Variants in ATG10 observed in about 807,000 individuals in gnomAD.
ATG10 encodes the protein ubiquitin-like-conjugating enzyme ATG10.
In ATG10, 30 loss-of-function variants were observed where a neutral mutation model predicts 32.1. The observed-to-expected ratio is 0.94, with a 90% confidence interval of 0.70 to 1.27. The LOEUF (loss-of-function observed/expected upper bound fraction) is 1.27, where lower values mean the gene tolerates loss of function less well. Ranked by LOEUF, ATG10 falls within the 50% of genes most tolerant of loss-of-function variation. The pLI is 0.00. For missense variants in ATG10, 233 were observed against 262.3 expected, an observed-to-expected ratio of 0.89 and a Z score of 0.77; for synonymous variants, 87 against 91.5, an observed-to-expected ratio of 0.95 and a Z score of 0.28.
chr5:82,027,805 A>G (rs1024408233), intron 2 of ATG10, among the ~76,000 whole-genome samples: 4 of 152,232 alleles, frequency 2.6e-5, no homozygotes, highest in African/African-American at 4.8e-5. Context: ...ATTTGGATGT[A>G]TGTGCTCAGT....
At chr5:82,128,957 C>T (rs1160246563) in intron 3 of ATG10, among the ~76,000 whole-genome samples, 2 of 151,684 alleles carry the variant, frequency 1.3e-5, no homozygotes, top group East Asian at 4.0e-4. Context: ...AAGTGTTTTC[C>T]AACTTGGTTC....
At chr5:82,209,519 C>T (rs764726958) in intron 5 of ATG10, among the ~76,000 whole-genome samples, 1 of 152,178 alleles carries the variant, frequency 6.6e-6, no homozygotes, top group Non-Finnish European at 1.5e-5. Context: ...TCTTAACAAG[C>T]ACCATGTGTG....
chr5:82,119,531 G>C (rs1243406078), intron 3 of ATG10, among the ~76,000 whole-genome samples: 2 of 152,042 alleles, frequency 1.3e-5, no homozygotes, highest in Non-Finnish European at 2.9e-5. Context: ...CATGATTTTG[G>C]CTCACTGCAA....
intron 1 of ATG10, among the ~76,000 whole-genome samples, chr5:81,982,631 T>C (rs1761087230): frequency 6.6e-6 from 1 of 151,960 alleles, no homozygotes; most frequent in African/African-American, 2.4e-5. Context: ...GGCAGGGTCA[T>C]AGGACAATAG....
At chr5:81,982,105 A>G (rs940857484) in intron 1 of ATG10, among the ~76,000 whole-genome samples, 2 of 152,242 alleles carry the variant, frequency 1.3e-5, no homozygotes, top group African/African-American at 4.8e-5. Flanking sequence ...CACAAAACAA[A>G]AACAAAAACA....
In ATG10 at chr5:82,042,146, C is replaced by G. The variant is rs963968294; in HGVS notation, c.109-16349C>G. 3.4e-4 allele frequency among the ~76,000 whole-genome samples: 52 copies of G among 152,130 alleles called. 1 individual carries two copies. Among genetic ancestry groups the G allele is most frequent in the Admixed American group, 3.0e-3 (46 of 15,276 alleles). On this transcript the variant is annotated intron_variant, in intron 2 of 7. Transcript: ENST00000282185. The stretch of plus-strand genomic sequence containing the variant: ...AAAGAGGTTTAATTGACTCACAGTT[C>G]TGCAGGCTTATCAAGAAGCATGACT...
intron 3 of ATG10, among the ~76,000 whole-genome samples, chr5:82,160,089 CA>C: frequency 6.6e-6 from 1 of 152,176 alleles, no homozygotes; most frequent in East Asian, 1.9e-4. Flanking sequence ...ACAGTTTTAT[CA>C]CATGTGTAGG....
chr5:81,993,032 G>A (rs1761505597), intron 2 of ATG10, among the ~76,000 whole-genome samples: 3 of 152,202 alleles, frequency 2.0e-5, no homozygotes, highest in Middle Eastern at 6.8e-3. Flanking sequence ...TGGTACACTT[G>A]TTACACCCAT....
intron 2 of ATG10, among the ~76,000 whole-genome samples, chr5:81,990,694 A>G (rs1332541937): frequency 6.6e-6 from 1 of 152,242 alleles, no homozygotes; most frequent in East Asian, 1.9e-4. Context: ...ACCCACTGCA[A>G]TGATGAGCAC....
intron 5 of ATG10, among the ~76,000 whole-genome samples, chr5:82,222,508 T>C (rs183870964): frequency 2.5e-4 from 38 of 152,368 alleles, no homozygotes; most frequent in Admixed American, 1.1e-3. Flanking sequence ...AAATTGATGA[T>C]GAACATAATT....
chr5:82,054,099 G>A (rs1028917190), intron 2 of ATG10, among the ~76,000 whole-genome samples: 1 of 152,178 alleles, frequency 6.6e-6, no homozygotes, highest in African/African-American at 2.4e-5. Context: ...CCAAGGAATT[G>A]AGTGCAGTGG....
intron 3 of ATG10, among the ~76,000 whole-genome samples, chr5:82,104,989 A>T (rs1236453067): frequency 6.6e-6 from 1 of 152,162 alleles, no homozygotes; most frequent in East Asian, 1.9e-4. Flanking sequence ...TGCTGCATCC[A>T]TCTAGAAATC....
chr5:81,987,697 G>A lies in ATG10; in HGVS notation c.108+19G>A. On this transcript the variant is annotated intron_variant, in intron 2 of 7. Coordinates refer to ENST00000282185, the MANE Select transcript of ATG10 (RefSeq NM_031482.5). Reference sequence around the variant, plus strand: ...ATCAAAGGTAAGAATGGAAATGTTTGTTTTCTGTCTCAAAAGAGGATTTTT... The same window carrying A: ...ATCAAAGGTAAGAATGGAAATGTTTATTTTCTGTCTCAAAAGAGGATTTTT... The A allele has an allele frequency of 6.4e-7, 1 of 1,563,458 alleles. No individual in the cohort carries two copies. The highest frequency in any genetic ancestry group is 8.7e-7 in the Non-Finnish European group (1 of 1,148,068).
chr5:81,979,601 A>G (rs1760975451), intron 1 of ATG10, among the ~76,000 whole-genome samples: 1 of 151,772 alleles, frequency 6.6e-6, no homozygotes, highest in African/African-American at 2.4e-5. Context: ...ATCCCCAGAC[A>G]TTGCAGACAT....
chr5:82,144,711 C>G (rs1003362800), intron 3 of ATG10, among the ~76,000 whole-genome samples: 2 of 132,582 alleles, frequency 1.5e-5, no homozygotes, highest in Non-Finnish European at 3.4e-5. Context: ...TTTAAGATGT[C>G]TTTTATTGTC....
chr5:82,151,759 A>AAG (rs1767605570), intron 3 of ATG10, among the ~76,000 whole-genome samples: 2 of 152,214 alleles, frequency 1.3e-5, no homozygotes, highest in South Asian at 4.1e-4. Flanking sequence ...GATGACCCTT[A>AAG]ACCTGTGTGT....
intron 3 of ATG10, among the ~76,000 whole-genome samples, chr5:82,075,431 AAAAATTATTT>A (rs1764244386): frequency 6.6e-6 from 1 of 152,164 alleles, no homozygotes; most frequent in African/African-American, 2.4e-5. Flanking sequence ...ATTTATTAAG[AAAAATTATTT>A]AGTTTGTATT....
At chr5:82,118,417 T>TATATATATATATATGTA (rs1472778722) in intron 3 of ATG10, among the ~76,000 whole-genome samples, 1 of 141,198 alleles carries the variant, frequency 7.1e-6, no homozygotes, top group Non-Finnish European at 1.5e-5. Flanking sequence ...TATGTATATA[T>TATATATATATATATGTA]TCCCTAGCAC....
intron 3 of ATG10, among the ~76,000 whole-genome samples, chr5:82,103,880 C>T (rs1271245294): frequency 1.3e-5 from 2 of 152,150 alleles, no homozygotes; most frequent in Admixed American, 1.3e-4. Flanking sequence ...TACCTGCCCC[C>T]AACAGTCACT....
Sources: allele counts gnomAD v4.1 joint callset (sites outside exome capture counted in the v4.1 genomes callset), GRCh38; gene constraint gnomAD v4.1.1; transcripts MANE v1.5; gene names NCBI Gene and HGNC (gene_info 2026-07-23, HGNC 2026-07-21).